The following LEKR1 variants were observed in gnomAD, a reference collection of about 807,000 sequenced individuals.
The protein encoded by LEKR1 is protein LEKR1.
Under a neutral mutation model 72.4 loss-of-function variants are expected in LEKR1, and 59 were observed. That is an observed-to-expected ratio of 0.82 (90% CI 0.66 to 1.01). The LOEUF (loss-of-function observed/expected upper bound fraction) is 1.01, where lower values mean the gene tolerates loss of function less well. Among genes scored for constraint, LEKR1 ranks in the 50% least tolerant of loss-of-function variants. The pLI is 0.00. For synonymous variants in LEKR1, 257 were observed against 263.2 expected, an observed-to-expected ratio of 0.98 and a Z score of 0.23; for missense variants, 728 against 759.2, an observed-to-expected ratio of 0.96 and a Z score of 0.48.
intron 2 of LEKR1, among the ~76,000 whole-genome samples, chr3:156,847,625 G>C (rs1021157614): frequency 3.9e-5 from 6 of 151,978 alleles, no homozygotes; most frequent in Non-Finnish European, 5.9e-5. Flanking sequence ...AATTTGAAAG[G>C]GTTATTACAT....
At chr3:156,844,858 G>A (rs1019142694) in intron 2 of LEKR1, among the ~76,000 whole-genome samples, 2 of 150,386 alleles carry the variant, frequency 1.3e-5, no homozygotes, top group Non-Finnish European at 3.0e-5. Context: ...TCATTTTCCT[G>A]GGATAAATGG....
At chr3:156,962,134 C>G (rs1314738190) in intron 6 of LEKR1, among the ~76,000 whole-genome samples, 1 of 152,106 alleles carries the variant, frequency 6.6e-6, no homozygotes, top group African/African-American at 2.4e-5. Flanking sequence ...AGGAGTCATC[C>G]GTCTGTATGG....
chr3:157,021,564 T>C (rs2108031432), intron 10 of LEKR1, among the ~76,000 whole-genome samples: 1 of 152,330 alleles, frequency 6.6e-6, no homozygotes, highest in African/African-American at 2.4e-5. Context: ...AAAGTCCTTC[T>C]GTCATCTAAT....
chr3:156,981,724 T>A (rs953976515), intron 7 of LEKR1, among the ~76,000 whole-genome samples: 1 of 152,212 alleles, frequency 6.6e-6, no homozygotes, highest in African/African-American at 2.4e-5. Context: ...TGCTCAGAGG[T>A]CAGGAGGTGA....
intron 3 of LEKR1, among the ~76,000 whole-genome samples, chr3:156,876,297 T>A (rs1275246156): frequency 6.6e-6 from 1 of 152,210 alleles, no homozygotes. Context: ...TTGCCTAGAC[T>A]GGCTTTAGCT....
intron 2 of LEKR1, among the ~76,000 whole-genome samples, chr3:156,849,431 A>C (rs1483764671): frequency 6.6e-6 from 1 of 152,184 alleles, no homozygotes; most frequent in Non-Finnish European, 1.5e-5. Context: ...TGGAACCAAA[A>C]AAGAGCCCAC....
chr3:157,042,937 A>T (rs76252206), intron 12 of LEKR1, among the ~76,000 whole-genome samples: 1 of 152,176 alleles, frequency 6.6e-6, no homozygotes. Context: ...GTCAAATTGT[A>T]ATCCCCAGTG....
intron 5 of LEKR1, among the ~76,000 whole-genome samples, chr3:156,936,493 A>G (rs893308865): frequency 1.3e-5 from 2 of 150,466 alleles, no homozygotes; most frequent in Admixed American, 6.6e-5. Context: ...AGAATAAGGA[A>G]GCAAGATATG....
intron 3 of LEKR1, among the ~76,000 whole-genome samples, chr3:156,899,656 ACG>A (rs1721763722): frequency 7.1e-6 from 1 of 141,178 alleles, no homozygotes; most frequent in Non-Finnish European, 1.5e-5. Flanking sequence ...ACATATATAC[ACG>A]CATATATACA....
At chr3:157,042,775 G>T (rs1047400326) in intron 12 of LEKR1, among the ~76,000 whole-genome samples, 3 of 151,790 alleles carry the variant, frequency 2.0e-5, no homozygotes, top group Non-Finnish European at 2.9e-5. Context: ...GTAATATGTT[G>T]GCCTCATTTT....
intron 2 of LEKR1, among the ~76,000 whole-genome samples, chr3:156,841,160 G>C (rs1199843735): frequency 1.3e-5 from 2 of 152,156 alleles, no homozygotes; most frequent in Non-Finnish European, 2.9e-5. Flanking sequence ...GGCCAGAGGG[G>C]GAACTTTATG....
chr3:157,039,761 G>A (rs1044280724), intron 12 of LEKR1, among the ~76,000 whole-genome samples: 1 of 152,180 alleles, frequency 6.6e-6, no homozygotes, highest in African/African-American at 2.4e-5. Context: ...TTTAGGGTAA[G>A]CATTTATTAC....
At chr3:156,970,154 C>T (rs1186418274) in intron 6 of LEKR1, among the ~76,000 whole-genome samples, 1 of 152,218 alleles carries the variant, frequency 6.6e-6, no homozygotes, top group African/African-American at 2.4e-5. Flanking sequence ...GACAAACCCA[C>T]AGCCAATATC....
At chr3:156,970,033 C>T (rs1371709044) in intron 6 of LEKR1, among the ~76,000 whole-genome samples, 1 of 152,234 alleles carries the variant, frequency 6.6e-6, no homozygotes. Flanking sequence ...ATATGATTAT[C>T]TCAATAGATG....
At chr3:156,989,807 C>T (rs1260878635) in intron 7 of LEKR1, among the ~76,000 whole-genome samples, 1 of 151,926 alleles carries the variant, frequency 6.6e-6, no homozygotes, top group Non-Finnish European at 1.5e-5. Flanking sequence ...CTTCCTCCCT[C>T]TCCCTCTCTC....
chr3:156,920,365 T>A (rs1261701425), intron 3 of LEKR1, among the ~76,000 whole-genome samples: 2 of 152,186 alleles, frequency 1.3e-5, no homozygotes, highest in Non-Finnish European at 2.9e-5. Context: ...TCTTTACTTT[T>A]TCCCCCTGCC....
At position 156,951,324 on chromosome 3, in the gene LEKR1, T is replaced by G. The variant is rs577675789; in HGVS notation, c.745+8610T>G. ...ATCATGGATATTGGCCTGAATTTTTTTGTGTGTGTGTCTCTGCCAGGTCTT... is the reference window on the plus strand; with the variant it reads ...ATCATGGATATTGGCCTGAATTTTTGTGTGTGTGTGTCTCTGCCAGGTCTT... On this transcript the variant is annotated intron_variant, in intron 6 of 12. Coordinates refer to ENST00000356539, the MANE Select transcript of LEKR1 (RefSeq NM_001004316.3). 2.0e-3 allele frequency among the ~76,000 whole-genome samples: 308 copies of G among 151,320 alleles called. 3 individuals are homozygous for G. The highest frequency in any genetic ancestry group is 6.8e-3 in the African/African-American group (281 of 41,394).
chr3:156,838,051 A>G (rs1160915472), intron 2 of LEKR1, among the ~76,000 whole-genome samples: 4 of 152,180 alleles, frequency 2.6e-5, no homozygotes, highest in Admixed American at 2.6e-4. Context: ...CAAAACACAG[A>G]CACCAGTCAC....
Position 156,927,530 on chromosome 3 carries a change from A to G in LEKR1, c.485A>G (p.Asn162Ser), listed in dbSNP as rs1194532358. Residue 162 changes from asparagine to serine, a missense_variant, in exon 5 of 13, where the codon AAT becomes AGT. Coordinates refer to ENST00000356539, the MANE Select transcript of LEKR1 (RefSeq NM_001004316.3). ...LTSIKNEVYD[N>S]YQNWTSLKGA... is the part of the protein sequence containing the mutation. ...AGTATTAAAAATGAAGTATATGATA[A>G]TTACCAAAACTGGACTTCATTGAAA... 4.1e-6 allele frequency: 5 copies of G among 1,234,244 alleles called. No individual in the cohort carries two copies. The African/African-American group carries it at 4.8e-5, about 12-fold the overall frequency. 76.5% of individuals were successfully genotyped at this position (1,234,244 alleles called of 1,614,324 possible).
Sources: gnomAD v4.1 joint callset for allele counts (sites outside exome capture counted in the v4.1 genomes callset) on GRCh38, gnomAD v4.1.1 for gene constraint, MANE v1.5 for transcripts, NCBI Gene and HGNC (gene_info 2026-07-23, HGNC 2026-07-21) for gene names.